The following CELF4 variants were observed in gnomAD, a reference collection of about 807,000 sequenced individuals.
The protein encoded by CELF4 is CUG-BP- and ETR-3-like factor 4.
A neutral mutation model predicts 59.9 loss-of-function variants in CELF4; 18 were observed. The ratio of observed to expected loss-of-function variants is 0.30; its 90% CI spans 0.21 to 0.45. The LOEUF (loss-of-function observed/expected upper bound fraction) is 0.45. CELF4 is among the 20% of genes least tolerant of loss of function. The pLI is 1.00. For missense variants in CELF4, 456 were observed against 689.0 expected (o/e 0.66, Z 3.79); for synonymous variants, 261 against 267.1 (o/e 0.98, Z 0.22).
At chr18:37,258,788 G>A (rs1225580999) in intron 11 of CELF4, among the ~76,000 whole-genome samples, 2 of 152,188 alleles carry the variant, frequency 1.3e-5, no homozygotes, top group East Asian at 1.9e-4. Flanking sequence ...GCTACTGGGG[G>A]AATGGGTGTG....
chr18:37,375,712 C>T (rs545834048), intron 2 of CELF4, among the ~76,000 whole-genome samples: 2 of 152,128 alleles, frequency 1.3e-5, no homozygotes, highest in African/African-American at 2.4e-5. Context: ...GTACCACTGC[C>T]CACCTGGCCT....
chr18:37,274,953 G>C, intron 4 of CELF4, 69 bp from the exon 5 acceptor site: 3 of 1,564,274 alleles, frequency 1.9e-6, no homozygotes, highest in Non-Finnish European at 2.6e-6. Context: ...AGGAGAGGGC[G>C]CATCCCAGGT....
intron 2 of CELF4, among the ~76,000 whole-genome samples, chr18:37,422,513 G>T (rs1387881380): frequency 6.6e-5 from 10 of 152,224 alleles, no homozygotes; most frequent in Non-Finnish European, 1.2e-4. Context: ...ATAAGTGGGG[G>T]AACCAGGAGA....
At chr18:37,374,989 C>T (rs373285638) in intron 2 of CELF4, among the ~76,000 whole-genome samples, 4 of 152,152 alleles carry the variant, frequency 2.6e-5, no homozygotes, top group East Asian at 3.9e-4. Context: ...CTGTGTCGTG[C>T]GGTCTGCCTG....
intron 8 of CELF4, among the ~76,000 whole-genome samples, chr18:37,268,065 C>CT (rs1216236163): frequency 1.3e-5 from 2 of 152,106 alleles, no homozygotes; most frequent in Non-Finnish European, 2.9e-5. Context: ...GCACCTGGGC[C>CT]TGAGGGGTGC....
At chr18:37,522,973 G>A (rs552189444) in intron 1 of CELF4, among the ~76,000 whole-genome samples, 37 of 152,266 alleles carry the variant, frequency 2.4e-4, no homozygotes, top group African/African-American at 8.9e-4. Context: ...GGAGAGCCAC[G>A]GGGCCATATT....
intron 8 of CELF4, 94 bp downstream of exon 8, chr18:37,270,674 G>T: frequency 6.9e-7 from 1 of 1,447,076 alleles, no homozygotes; most frequent in Non-Finnish European, 9.6e-7. Flanking sequence ...TGGACAGAGG[G>T]CAGGAGCCAC....
In CELF4 at chr18:37,390,806, G is replaced by GGT. The variant is rs1652520871; in HGVS notation, c.370-68926_370-68925insAC. Among the ~76,000 whole-genome samples, 40 of 74,556 alleles carry GGT rather than the reference G, an allele frequency of 5.4e-4. 6 individuals carry two copies. Among genetic ancestry groups the GGT allele is most frequent in the East Asian group, 4.7e-3 (10 of 2,126 alleles). The allele number at this position is 74,556 out of a possible 152,430, so 48.9% of individuals were successfully genotyped here. ...AGGCTGGTGGTGGTGATGGGGCGGG[G>GGT]AGGGGGGGCAGTGCTGCTGGCCGGC... On this transcript the variant is annotated intron_variant, in intron 2 of 12. Transcript: ENST00000420428.
chr18:37,434,707 C>T (rs573857494), intron 2 of CELF4, among the ~76,000 whole-genome samples: 24 of 152,206 alleles, frequency 1.6e-4, no homozygotes, highest in Admixed American at 1.1e-3. Context: ...GTCAGGAGGC[C>T]ACAGATGCGA....
intron 3 of CELF4, among the ~76,000 whole-genome samples, chr18:37,319,977 G>C (rs72883691): frequency 2.0e-5 from 3 of 152,162 alleles, no homozygotes; most frequent in African/African-American, 7.2e-5. Flanking sequence ...CAGCCCTGGC[G>C]GGGGGAAGGG....
In CELF4 at chr18:37,501,309, A is replaced by G. The variant is rs529087502; in HGVS notation, c.287-15702T>C. ...TGATGTGGGAAAGTTCCAGAGAATG[A>G]AAGTGGGAAGGATGAGTCAGAGCTA... On this transcript the variant is annotated intron_variant, in intron 1 of 12. Transcript: ENST00000420428. Among the ~76,000 whole-genome samples the G allele has an allele frequency of 5.3e-5, 8 of 152,358 alleles. No homozygotes were observed. The South Asian group carries it at 1.2e-3, about 24-fold the overall frequency.
chr18:37,506,978 G>A (rs1178433600), intron 1 of CELF4, among the ~76,000 whole-genome samples: 1 of 152,182 alleles, frequency 6.6e-6, no homozygotes, highest in Non-Finnish European at 1.5e-5. Context: ...GTACATTCTT[G>A]AATGGATGGT....
In CELF4 at chr18:37,259,281, G is replaced by A. The variant is rs1220781327; in HGVS notation, c.1250-17C>T. The A allele has an allele frequency of 4.1e-6, 4 of 977,412 alleles. No individual in the cohort carries two copies. Among genetic ancestry groups the A allele is most frequent in the East Asian group, 4.9e-5 (2 of 40,484 alleles). The allele number at this position is 977,412 out of a possible 1,614,324, so 60.5% of individuals were successfully genotyped here. On this transcript the variant is annotated splice_polypyrimidine_tract_variant and intron_variant, in intron 10 of 12. Coordinates refer to ENST00000420428, the MANE Select transcript of CELF4 (RefSeq NM_020180.4). ...CCTCGGGCCCTGCGGTGAGGGGAGG[G>A]GGTGGGCGGGGGAGGAGGGATGGCA...
At chr18:37,474,449 G>A (rs937804133) in intron 2 of CELF4, among the ~76,000 whole-genome samples, 11 of 152,198 alleles carry the variant, frequency 7.2e-5, no homozygotes, top group Non-Finnish European at 1.2e-4. Flanking sequence ...GTGTGGCCTT[G>A]GGGTGACGGG....
At chr18:37,378,544 G>A (rs1454536532) in intron 2 of CELF4, among the ~76,000 whole-genome samples, 13 of 152,348 alleles carry the variant, frequency 8.5e-5, no homozygotes, top group Admixed American at 2.0e-4. Context: ...TTCTTAGAGC[G>A]TCGAGAGGAA....
At chr18:37,547,258 C>G (rs533206599) in intron 1 of CELF4, among the ~76,000 whole-genome samples, 26 of 151,782 alleles carry the variant, frequency 1.7e-4, no homozygotes, top group Non-Finnish European at 3.4e-4. Flanking sequence ...CAACAGGAGC[C>G]CCCCCAGGCT....
chr18:37,371,786 G>C (rs727486), intron 2 of CELF4, among the ~76,000 whole-genome samples: 2 of 152,056 alleles, frequency 1.3e-5, no homozygotes, highest in Admixed American at 1.3e-4. Flanking sequence ...CAGTGCCCAG[G>C]CCCTGGGGAT....
At chr18:37,337,900 C>A (rs1281712155) in intron 2 of CELF4, among the ~76,000 whole-genome samples, 2 of 152,232 alleles carry the variant, frequency 1.3e-5, no homozygotes, top group African/African-American at 4.8e-5. Context: ...CCCTGAAATG[C>A]CTGTCTGTGT....
intron 7 of CELF4, among the ~76,000 whole-genome samples, chr18:37,271,677 T>G (rs991985348): frequency 6.6e-6 from 1 of 152,098 alleles, no homozygotes; most frequent in African/African-American, 2.4e-5. Flanking sequence ...TCAGATGGAG[T>G]AGGTCTTAAT....
Sources: gnomAD v4.1 joint callset for allele counts (sites outside exome capture counted in the v4.1 genomes callset) on GRCh38, gnomAD v4.1.1 for gene constraint, MANE v1.5 for transcripts, NCBI Gene and HGNC (gene_info 2026-07-23, HGNC 2026-07-21) for gene names.